The following ACOT7 variants were observed in gnomAD, a reference collection of about 807,000 sequenced individuals.
ACOT7 encodes the protein cytosolic acyl coenzyme A thioester hydrolase.
A neutral mutation model predicts 40.2 loss-of-function variants in ACOT7; 12 were observed. The ratio of observed to expected loss-of-function variants is 0.30; its 90% CI spans 0.19 to 0.48. The LOEUF is 0.48. Ranked by LOEUF, ACOT7 falls within the 20% of genes least tolerant of loss-of-function variation. The pLI is 0.99. For missense variants in ACOT7, 395 were observed against 530.8 expected (o/e 0.74, Z 2.51); for synonymous variants, 228 against 219.5 (o/e 1.04, Z -0.34).
At chr1:6,292,748 C>A (rs1452780559) in intron 7 of ACOT7, among the ~76,000 whole-genome samples, 1 of 148,502 alleles carries the variant, frequency 6.7e-6, no homozygotes, top group African/African-American at 2.5e-5. Context: ...GTGGTATAAT[C>A]TTGGCTCGCT....
chr1:6,339,290 C>T (rs1363941314), intron 3 of ACOT7, 143 bp downstream of exon 3: 1 of 1,203,700 alleles, frequency 8.3e-7, no homozygotes, highest in Non-Finnish European at 1.2e-6. Flanking sequence ...CATAGCTGCT[C>T]CCAGGGCCAT....
intron 2 of ACOT7, among the ~76,000 whole-genome samples, chr1:6,341,754 T>A (rs111557319): frequency 0.029 from 4,372 of 151,832 alleles, 116 homozygotes; most frequent in African/African-American, 0.071. Context: ...AAAAAAAAAT[T>A]TTTTTCAATG....
Position 6,281,112 on chromosome 1 carries a change from G to A in ACOT7, c.1004C>T (p.Pro335Leu), listed in dbSNP as rs763429438. ...LSQEGRSLPV[P>L]QLVPETEDEK... ...AGGATGCGCACTCACCACCAGCTGG[G>A]GCACAGGCAGCGACCTGCCTTCCTG... The change falls in exon 8 of 9, where the codon CCC becomes CTC. Residue 335 changes from proline to leucine, a missense_variant. Coordinates refer to ENST00000361521, the MANE Select transcript of ACOT7 (RefSeq NM_007274.4). 6.2e-6 allele frequency: 10 copies of A among 1,613,346 alleles called. No homozygotes were observed. The highest frequency in any genetic ancestry group is 8.5e-6 in the Non-Finnish European group (10 of 1,179,998).
At position 6,289,956 on chromosome 1, in the gene ACOT7, G is replaced by A. The variant is rs1037941178; in HGVS notation, c.829+4908C>T. On this transcript the variant is annotated intron_variant, in intron 7 of 8. Coordinates refer to ENST00000361521, the MANE Select transcript of ACOT7 (RefSeq NM_007274.4). The surrounding 1 kb of genome is among the most constrained non-coding windows in gnomAD (Gnocchi z 4.6). ...AAATCCACTGAACCTGTGACCTCAC[G>A]TGGCAAAGGGGACTCTGCAGACATT... 4.6e-5 allele frequency among the ~76,000 whole-genome samples: 7 copies of A among 152,182 alleles called. No individual in the cohort carries two copies. Among genetic ancestry groups the A allele is most frequent in the African/African-American group, 7.2e-5 (3 of 41,426 alleles).
Position 6,278,239 on chromosome 1 carries a change from G to A in ACOT7, c.1014+2863C>T, listed in dbSNP as rs114907205. On this transcript the variant is annotated intron_variant, in intron 8 of 8. Coordinates refer to ENST00000361521, the MANE Select transcript of ACOT7 (RefSeq NM_007274.4). This position sits in a 1 kb window ranked among gnomAD's most constrained non-coding sequence, Gnocchi z 4.1. ...TGGGAGCAGCAGGTGCACAGGCGCC[G>A]GGCAGGAGTGAGCTTGCTGCACCCA... is the stretch of plus-strand genomic sequence containing the variant. Among the ~76,000 whole-genome samples the A allele has an allele frequency of 9.6e-3, 1,460 of 152,264 alleles. 20 individuals carry two copies. Among genetic ancestry groups the A allele is most frequent in the African/African-American group, 0.034 (1,395 of 41,536 alleles).
At chr1:6,283,217 G>A (rs1245191355) in intron 7 of ACOT7, among the ~76,000 whole-genome samples, 1 of 152,178 alleles carries the variant, frequency 6.6e-6, no homozygotes, top group Non-Finnish European at 1.5e-5. Context: ...AGGCTGGAGG[G>A]CAGTGGTGCC....
chr1:6,356,460 C>T (rs1324278669), intron 1 of ACOT7, among the ~76,000 whole-genome samples: 2 of 152,184 alleles, frequency 1.3e-5, no homozygotes, highest in African/African-American at 4.8e-5. Context: ...TCAGCACCCT[C>T]AGCCCAGCTC....
intron 6 of ACOT7, among the ~76,000 whole-genome samples, chr1:6,316,082 C>T (rs1640485338): frequency 6.6e-6 from 1 of 152,120 alleles, no homozygotes; most frequent in African/African-American, 2.4e-5. Context: ...ACGGAAATGC[C>T]CCATTTAGTG....
chr1:6,367,063 G>A (rs1382853760), intron 1 of ACOT7, among the ~76,000 whole-genome samples: 2 of 151,994 alleles, frequency 1.3e-5, no homozygotes, highest in Non-Finnish European at 2.9e-5. Context: ...GCTGGGCATG[G>A]TGGCAGGCAC....
intron 2 of ACOT7, among the ~76,000 whole-genome samples, chr1:6,340,273 G>T (rs753508746): frequency 6.6e-6 from 1 of 152,078 alleles, no homozygotes. Context: ...GCCTAGCACC[G>T]CGCATTCCTA....
rs189305811 is a variant in ACOT7, at chr1:6,375,421, A to T, written c.143+17836T>A. Among the ~76,000 whole-genome samples, 579 of 152,216 alleles carry T rather than the reference A, an allele frequency of 3.8e-3. 4 individuals carry two copies. The highest frequency in any genetic ancestry group is 0.013 in the African/African-American group (557 of 41,528). ...GGTGACTCATGCCTATAATCCCAGC[A>T]CTTTGGGAGGTAGACGCGGGCGGAT... On this transcript the variant is annotated intron_variant, in intron 1 of 8. Transcript: ENST00000361521.
intron 6 of ACOT7, among the ~76,000 whole-genome samples, chr1:6,314,329 G>A (rs928084709): frequency 2.1e-4 from 32 of 151,920 alleles, no homozygotes; most frequent in Non-Finnish European, 4.0e-4. Context: ...AGGAGCGATG[G>A]GAGGAAGAGA....
At chr1:6,319,173 C>T (rs533566014) in intron 5 of ACOT7, among the ~76,000 whole-genome samples, 14 of 152,324 alleles carry the variant, frequency 9.2e-5, no homozygotes, top group African/African-American at 2.2e-4. Flanking sequence ...TGACATATAA[C>T]GTCCAGTCTC....
chr1:6,391,568 G>C (rs947009820), intron 1 of ACOT7, among the ~76,000 whole-genome samples: 8 of 152,126 alleles, frequency 5.3e-5, no homozygotes, highest in Non-Finnish European at 8.8e-5. Flanking sequence ...GTATAAATTG[G>C]CTATTCACCA....
At chr1:6,280,352 T>C (rs1033695576) in intron 8 of ACOT7, among the ~76,000 whole-genome samples, 1 of 152,218 alleles carries the variant, frequency 6.6e-6, no homozygotes, top group African/African-American at 2.4e-5. Context: ...TCTGTTCTTA[T>C]GACAGAGACA....
chr1:6,339,254 C>T (rs536686348), intron 3 of ACOT7, among the ~76,000 whole-genome samples, 179 bp downstream of exon 3: 3 of 152,342 alleles, frequency 2.0e-5, no homozygotes, highest in African/African-American at 7.2e-5. Flanking sequence ...GTGCCCCTTT[C>T]CTGTCTGCAA....
chr1:6,381,008 T>C (rs1196710491), intron 1 of ACOT7, among the ~76,000 whole-genome samples: 2 of 151,656 alleles, frequency 1.3e-5, no homozygotes, highest in Non-Finnish European at 2.9e-5. Flanking sequence ...CCAGAATATA[T>C]AGAGAACTCC....
At chr1:6,312,614 C>T (rs147088179) in intron 6 of ACOT7, among the ~76,000 whole-genome samples, 4,115 of 152,182 alleles carry the variant, frequency 0.027, 195 homozygotes, top group African/African-American at 0.094. Flanking sequence ...ATTACAGGCA[C>T]CCGCCATCAT....
intron 1 of ACOT7, among the ~76,000 whole-genome samples, chr1:6,376,029 C>T (rs925025245): frequency 3.3e-5 from 5 of 151,892 alleles, no homozygotes; most frequent in Admixed American, 1.3e-4. Flanking sequence ...CCAAGGCAGG[C>T]GGATCACTTG....
Sources: allele counts gnomAD v4.1 joint callset (sites outside exome capture counted in the v4.1 genomes callset), GRCh38; gene constraint gnomAD v4.1.1; non-coding constraint Gnocchi (gnomAD v3.1); transcripts MANE v1.5; gene names NCBI Gene and HGNC (gene_info 2026-07-23, HGNC 2026-07-21).